Variants in ESR2 observed in about 807,000 individuals in gnomAD.
The protein encoded by ESR2 is estrogen receptor 2.
Under a neutral mutation model 49.6 loss-of-function variants are expected in ESR2, and 36 were observed. The ratio of observed to expected loss-of-function variants is 0.73; its 90% confidence interval spans 0.56 to 0.96. The LOEUF (loss-of-function observed/expected upper bound fraction) is 0.96. ESR2 is among the 40% of genes least tolerant of loss of function. ESR2 has a pLI of 0.00. For synonymous variants in ESR2, 320 were observed against 266.1 expected, an observed-to-expected ratio of 1.20 and a Z score of -1.97; for missense variants, 714 against 693.0, an observed-to-expected ratio of 1.03 and a Z score of -0.34.
chr14:64,304,867 C>T (rs553459582), intron 1 of ESR2, among the ~76,000 whole-genome samples: 5 of 151,756 alleles, frequency 3.3e-5, no homozygotes, highest in African/African-American at 1.2e-4. Flanking sequence ...CAGAGCGAGA[C>T]ATTCTGTCAA....
chr14:64,318,792 C>T (rs934064695), intron 1 of ESR2, among the ~76,000 whole-genome samples: 10 of 148,216 alleles, frequency 6.7e-5, no homozygotes, highest in African/African-American at 2.4e-4. Context: ...CCTGTAATCC[C>T]AGCACTTTGG....
chr14:64,268,656 C>G, intron 4 of ESR2, 139 bp downstream of exon 4: 1 of 631,378 alleles, frequency 1.6e-6, no homozygotes, highest in Non-Finnish European at 2.8e-6. Context: ...AGTCAATGCC[C>G]CCTCCAATGT....
chr14:64,233,041 C>CCA lies in ESR2; in HGVS notation c.*94_*95dup, dbSNP rs1163990831. The CCA allele has an allele frequency of 6.6e-7, 1 of 1,515,702 alleles. No homozygotes were observed. Among genetic ancestry groups the CCA allele is most frequent in the Non-Finnish European group, 8.8e-7 (1 of 1,130,456 alleles). The allele number at this position is 1,515,702 out of a possible 1,614,324, so 93.9% of individuals were successfully genotyped here. On this transcript the variant is annotated 3_prime_UTR_variant, in exon 9 of 9. Coordinates refer to ENST00000341099, the MANE Select transcript of ESR2 (RefSeq NM_001437.3). The stretch of plus-strand genomic sequence containing the variant: ...AAGCCTGCCATCACCAAATGAGGGA[C>CCA]CACACAGCAGAAAGATGAAGCCCAG...
chr14:64,333,532 G>A (rs181306933), intron 1 of ESR2, among the ~76,000 whole-genome samples: 1 of 152,150 alleles, frequency 6.6e-6, no homozygotes, highest in East Asian at 1.9e-4. Flanking sequence ...ACATGCCCAA[G>A]ACTGGGTAAT....
intron 7 of ESR2, among the ~76,000 whole-genome samples, chr14:64,248,291 G>A (rs967520702): frequency 1.3e-5 from 2 of 151,996 alleles, no homozygotes; most frequent in Non-Finnish European, 2.9e-5. Flanking sequence ...GACTGCTTGA[G>A]GCCAGGAGTT....
rs896600307 is a variant in ESR2, at chr14:64,228,800, C to G, written c.*4337G>C. Among the ~76,000 whole-genome samples the G allele has an allele frequency of 6.6e-6, 1 of 152,120 alleles. No homozygotes were observed. Among genetic ancestry groups the G allele is most frequent in the Non-Finnish European group, 1.5e-5 (1 of 68,010 alleles). On this transcript the variant is annotated 3_prime_UTR_variant, in exon 9 of 9. Transcript: ENST00000341099. ...AGGATCCTCGGAATTAAAAAACAAA[C>G]AAACAAACAAACAAAAAACCTCCCT...
At chr14:64,283,545 G>A (rs1426544595) in intron 1 of ESR2, among the ~76,000 whole-genome samples, 3 of 151,854 alleles carry the variant, frequency 2.0e-5, no homozygotes, top group Admixed American at 2.0e-4. Context: ...GATTACTTGA[G>A]GTCAGGAGTT....
chr14:64,238,768 C>CA (rs756488665), intron 7 of ESR2, among the ~76,000 whole-genome samples: 13 of 145,824 alleles, frequency 8.9e-5, no homozygotes, highest in South Asian at 2.2e-4. Flanking sequence ...AAAAAAAAAA[C>CA]AAAAAAAACC....
At chr14:64,293,151 T>C (rs17101765) in intron 1 of ESR2, among the ~76,000 whole-genome samples, 53,689 of 152,112 alleles carry the variant, frequency 0.35, 10,092 homozygotes, top group African/African-American at 0.47. Flanking sequence ...ATGTTAATCA[T>C]GTTCTTTTCA....
At chr14:64,257,144 G>C in intron 6 of ESR2, 82 bp downstream of exon 6, 2 of 1,307,264 alleles carry the variant, frequency 1.5e-6, no homozygotes, top group Non-Finnish European at 2.2e-6. Flanking sequence ...GATTTTAATT[G>C]CAGCACCCAG....
intron 1 of ESR2, among the ~76,000 whole-genome samples, chr14:64,289,468 T>C (rs1178662898): frequency 6.6e-6 from 1 of 151,356 alleles, no homozygotes; most frequent in Non-Finnish European, 1.5e-5. Flanking sequence ...GCTGAGATTG[T>C]GCCATTACAC....
intron 7 of ESR2, among the ~76,000 whole-genome samples, chr14:64,242,508 T>C (rs2075754967): frequency 6.6e-6 from 1 of 151,448 alleles, no homozygotes; most frequent in Non-Finnish European, 1.5e-5. Flanking sequence ...TTAATATGAA[T>C]TTTGATTGAT....
intron 1 of ESR2, among the ~76,000 whole-genome samples, chr14:64,327,780 A>G (rs1296214283): frequency 6.6e-6 from 1 of 152,092 alleles, no homozygotes; most frequent in Non-Finnish European, 1.5e-5. Context: ...GAGGGAGGAG[A>G]GTCACTTGAA....
chr14:64,329,895 T>G (rs990911171), intron 1 of ESR2: 1 of 152,268 alleles, frequency 6.6e-6, no homozygotes, highest in African/African-American at 2.4e-5. Flanking sequence ...TCCCAGCACT[T>G]TGGGAGGCCA....
At chr14:64,294,701 C>A (rs1259379999), upstream of ESR2, among the ~76,000 whole-genome samples, 2 of 152,226 alleles carry the variant, frequency 1.3e-5, no homozygotes, top group African/African-American at 2.4e-5. Context: ...CGTCCTCAGC[C>A]CCTGACTCAC....
chr14:64,323,208 G>GT (rs1209688329), intron 1 of ESR2, among the ~76,000 whole-genome samples: 1 of 152,016 alleles, frequency 6.6e-6, no homozygotes, highest in Non-Finnish European at 1.5e-5. Flanking sequence ...ATGTTATTTT[G>GT]TTTTTTGTTT....
chr14:64,269,001 G>A (rs150463831), intron 3 of ESR2, 90 bp from the exon 4 acceptor site: 31 of 783,304 alleles, frequency 4.0e-5, no homozygotes, highest in African/African-American at 2.9e-4. Flanking sequence ...ACACTTTCCA[G>A]CTGAGAGATA....
Position 64,288,749 on chromosome 14 carries a change from G to T in ESR2, c.-91+5284C>A, listed in dbSNP as rs143856918. Among the ~76,000 whole-genome samples the T allele has an allele frequency of 6.0e-3, 916 of 151,610 alleles. 11 individuals are homozygous for T. Among genetic ancestry groups the T allele is most frequent in the African/African-American group, 0.021 (878 of 41,376 alleles). On this transcript the variant is annotated intron_variant, in intron 1 of 8. Transcript: ENST00000341099. ...TGCCTGTAATCCCAGCACTTTGAGA[G>T]GCCAAGGTGGGCAGATCACCTGAAA...
chr14:64,255,819 C>T (rs116132022), intron 6 of ESR2, among the ~76,000 whole-genome samples: 1 of 152,368 alleles, frequency 6.6e-6, no homozygotes, highest in African/African-American at 2.4e-5. Context: ...CTTCCAGAGC[C>T]TCCCTCCATG....
Sources: gnomAD v4.1 joint callset for allele counts (sites outside exome capture counted in the v4.1 genomes callset) on GRCh38, gnomAD v4.1.1 for gene constraint, MANE v1.5 for transcripts, NCBI Gene and HGNC (gene_info 2026-07-23, HGNC 2026-07-21) for gene names.